Variants in ITFG2 observed in about 807,000 individuals in gnomAD.
The protein encoded by ITFG2 is integrin alpha FG-GAP repeat containing 2.
In ITFG2, 36 loss-of-function variants were observed where a neutral mutation model predicts 54.4. The ratio of observed to expected loss-of-function variants is 0.66; its 90% CI spans 0.51 to 0.87. The LOEUF is 0.87. Among genes scored for constraint, ITFG2 ranks in the 40% least tolerant of loss-of-function variants. ITFG2 has a pLI of 0.00. For missense variants in ITFG2, 524 were observed against 576.7 expected (o/e 0.91, Z 0.94); for synonymous variants, 211 against 225.4 (o/e 0.94, Z 0.57).
At chr12:2,858,580 T>TGAGCCTTGGAGTGCCCG in intron 3 of ITFG2, 4 of 1,491,872 alleles carry the variant, frequency 2.7e-6, no homozygotes, top group Non-Finnish European at 3.7e-6. Flanking sequence ...TGGGGTGCAC[T>TGAGCCTTGGAGTGCCCG]GAGCCTTGGA....
At chr12:2,830,460 T>C (rs932075791) in intron 2 of ITFG2, 1 of 421,896 alleles carries the variant, frequency 2.4e-6, no homozygotes, top group Non-Finnish European at 4.2e-6. Flanking sequence ...ACTTACTTAA[T>C]TTAAGTATTG....
intron 2 of ITFG2, chr12:2,849,595 G>T (rs1042543910): frequency 1.7e-5 from 26 of 1,499,848 alleles, no homozygotes; most frequent in Non-Finnish European, 2.1e-5. Flanking sequence ...GAGAGACGGG[G>T]AAGGGGAAGG....
chr12:2,834,636 C>A, upstream of ITFG2: 1 of 1,576,370 alleles, frequency 6.3e-7, no homozygotes. Context: ...AGGGGTGATG[C>A]CTCACCAAGT....
intron 5 of ITFG2, 128 bp from the exon 6 acceptor site, chr12:2,820,596 A>C (rs1196906101): frequency 1.3e-5 from 11 of 821,392 alleles, no homozygotes; most frequent in Middle Eastern, 3.6e-4. Flanking sequence ...TGAAGCCCAG[A>C]GGGCTGTTCC....
At chr12:2,820,419 C>A (rs1211314568) in intron 5 of ITFG2, among the ~76,000 whole-genome samples, 194 bp downstream of exon 5, 1 of 152,050 alleles carries the variant, frequency 6.6e-6, no homozygotes, top group African/African-American at 2.4e-5. Flanking sequence ...AAGAGAAGGG[C>A]ATGTTGGGCT....
intron 3 of ITFG2, chr12:2,858,963 A>T (rs1266045156): frequency 2.1e-5 from 34 of 1,613,510 alleles, no homozygotes; most frequent in Non-Finnish European, 2.9e-5. Flanking sequence ...GAGATCCATC[A>T]GCCCCAGGGG....
At chr12:2,858,092 C>T (rs546192008) in exon 3 of ITFG2, 3 of 153,058 alleles carry the variant, frequency 2.0e-5, no homozygotes, top group Middle Eastern at 3.4e-3. Context: ...GTCTGGGTCC[C>T]TGCAGTGAAG....
At chr12:2,828,166 C>G (rs114926147), downstream of ITFG2, 4,593 of 1,192,930 alleles carry the variant, frequency 3.9e-3, 128 homozygotes, top group African/African-American at 0.062. Context: ...CACGTGGGGT[C>G]TAAATCCTTG....
intron 1 of ITFG2, among the ~76,000 whole-genome samples, chr12:2,839,747 A>G (rs2098036555): frequency 6.6e-6 from 1 of 152,192 alleles, no homozygotes; most frequent in Admixed American, 6.5e-5. Context: ...TGCTGAAGAA[A>G]ATACACCATG....
intron 11 of ITFG2, 63 bp downstream of exon 11, chr12:2,824,006 G>T: frequency 6.2e-7 from 1 of 1,612,602 alleles, no homozygotes; most frequent in Non-Finnish European, 8.5e-7. Context: ...TGCAGGAGCT[G>T]GGCGTGGGTG....
chr12:2,854,951 T>C, intron 2 of ITFG2: 1 of 1,536,142 alleles, frequency 6.5e-7, no homozygotes, highest in South Asian at 1.2e-5. Flanking sequence ...GGGGGTGCTC[T>C]TGCCTCACTC....
chr12:2,843,462 C>G (rs1258353215), intron 2 of ITFG2, among the ~76,000 whole-genome samples: 1 of 152,220 alleles, frequency 6.6e-6, no homozygotes, highest in East Asian at 1.9e-4. Flanking sequence ...TGCTTTGGCT[C>G]TGTTGATGAA....
Position 2,849,465 on chromosome 12 carries a change from G to C in ITFG2, n.300+8470G>C, listed in dbSNP as rs1316784574. On this transcript the variant is annotated intron_variant and non_coding_transcript_variant, in intron 2 of 3. Coordinates refer to the ITFG2 transcript ENST00000537710. ...TCCTGGCGAAATTATTGGGAAACGG[G>C]TTGGGCATGAGCTGGAGGCCCTGGG... 5 of 1,536,050 alleles carry C rather than the reference G, an allele frequency of 3.3e-6. No individual in the cohort carries two copies. The African/African-American group carries it at 5.5e-5, about 17-fold the overall frequency.
intron 2 of ITFG2, among the ~76,000 whole-genome samples, chr12:2,850,246 C>T (rs900689199): frequency 3.5e-4 from 53 of 152,038 alleles, no homozygotes; most frequent in African/African-American, 1.2e-3. Flanking sequence ...GAGGCCGAGG[C>T]GGGTGGATCA....
At chr12:2,832,735 A>G (rs2153926345), upstream of ITFG2, among the ~76,000 whole-genome samples, 1 of 149,096 alleles carries the variant, frequency 6.7e-6, no homozygotes, top group Middle Eastern at 3.4e-3. Context: ...ATCCCAGGGC[A>G]TGGCTCAGCA....
chr12:2,855,214 C>A, intron 2 of ITFG2: 1 of 1,505,822 alleles, frequency 6.6e-7, no homozygotes, highest in South Asian at 1.3e-5. Context: ...AGGCAGACGG[C>A]ACACATCGAG....
At chr12:2,821,402 C>A in intron 7 of ITFG2, 43 bp downstream of exon 7, 1 of 1,570,042 alleles carries the variant, frequency 6.4e-7, no homozygotes, top group Non-Finnish European at 8.7e-7. Flanking sequence ...GAGGGGTAGC[C>A]GTCAGTTCTG....
chr12:2,819,012 CA>C (rs920440756), intron 4 of ITFG2, among the ~76,000 whole-genome samples: 54 of 137,130 alleles, frequency 3.9e-4, no homozygotes, highest in Non-Finnish European at 4.0e-4. Context: ...ACTCCGTCTC[CA>C]AAAAAAAAAA....
Position 2,817,497 on chromosome 12 carries a change from T to G in ITFG2, c.192+179T>G, listed in dbSNP as rs74054745. 1,154 of 593,528 alleles carry G rather than the reference T, an allele frequency of 1.9e-3. 19 individuals carry two copies. Among genetic ancestry groups the G allele is most frequent in the African/African-American group, 0.019 (1,040 of 53,906 alleles). 36.8% of individuals were successfully genotyped at this position (593,528 alleles called of 1,614,324 possible). A position where few individuals can be genotyped will look rare whatever the true frequency, so the allele number is the denominator to read the frequency against. Reference sequence around the variant, plus strand: ...GGGCAGCCCCCAGCTAGTGCTCCCATCTGTCCTCACACACGCGTGCGTGGG... The same window carrying G: ...GGGCAGCCCCCAGCTAGTGCTCCCAGCTGTCCTCACACACGCGTGCGTGGG... On this transcript the variant is annotated intron_variant, in intron 2 of 11. Transcript: ENST00000228799.
Sources: gnomAD v4.1 joint callset for allele counts (sites outside exome capture counted in the v4.1 genomes callset) on GRCh38, gnomAD v4.1.1 for gene constraint, MANE v1.5 for transcripts, NCBI Gene and HGNC (gene_info 2026-07-23, HGNC 2026-07-21) for gene names.